Variants in MFSD11 observed in about 807,000 individuals in gnomAD.
MFSD11 encodes the protein UNC93-like protein MFSD11.
A neutral mutation model predicts 53.5 loss-of-function variants in MFSD11; 36 were observed. The observed-to-expected ratio is 0.67, with a 90% CI of 0.52 to 0.89. The LOEUF (loss-of-function observed/expected upper bound fraction) is 0.89, where lower values mean the gene tolerates loss of function less well. Ranked by LOEUF, MFSD11 falls within the 40% of genes least tolerant of loss-of-function variation. The probability of loss-of-function intolerance (pLI) is 0.00; values close to 1 mark genes in which losing one functional copy is unlikely to be tolerated. For synonymous variants in MFSD11, 186 were observed against 184.9 expected, an observed-to-expected ratio of 1.01 and a Z score of -0.05; for missense variants, 530 against 543.9, an observed-to-expected ratio of 0.97 and a Z score of 0.25.
At chr17:76,764,700 CACACATAT>C (rs1370289660) in intron 8 of MFSD11, among the ~76,000 whole-genome samples, 3 of 152,182 alleles carry the variant, frequency 2.0e-5, no homozygotes, top group African/African-American at 7.2e-5. Context: ...CACACACACA[CACACATAT>C]ACATATAATA....
rs780869909 is a variant in MFSD11 at position 76,754,077 on chromosome 17, A to G, written c.672A>G (p.Val224=). The stretch of plus-strand genomic sequence containing the variant: ...CCCAGAACAATCTGACAAAGGCAGT[A>G]GATGCTTTTAGTAAGTATTTTCTGT... ...ESAQNNLTKA[V]DAFKKSFKLC... Residue 224 remains valine, a synonymous_variant, in exon 8 of 13, where the codon GTA becomes GTG. Transcript: ENST00000685175. The G allele has an allele frequency of 1.9e-6, 3 of 1,612,804 alleles. No homozygotes were observed. Among genetic ancestry groups the G allele is most frequent in the African/African-American group, 2.7e-5 (2 of 74,906 alleles).
intron 7 of MFSD11, among the ~76,000 whole-genome samples, chr17:76,745,182 T>C (rs934767200): frequency 8.5e-5 from 13 of 152,250 alleles, no homozygotes; most frequent in African/African-American, 2.7e-4. Context: ...ATTGTGAAGA[T>C]TGCCTTATAG....
chr17:76,754,533 A>C (rs1399687537), intron 8 of MFSD11, among the ~76,000 whole-genome samples: 1 of 151,418 alleles, frequency 6.6e-6, no homozygotes, highest in Non-Finnish European at 1.5e-5. Flanking sequence ...AAATATAAAA[A>C]ATTTGCCGGG....
chr17:76,796,657 G>A, the MFSD11 span, among the ~76,000 whole-genome samples: 1 of 152,074 alleles, frequency 6.6e-6, no homozygotes, highest in African/African-American at 2.4e-5. Flanking sequence ...CTCCAAGAGA[G>A]GGTTCTTGGA....
rs552640317 is a variant in MFSD11, at chr17:76,776,728, C to T, written c.1185+187C>T. Among the ~76,000 whole-genome samples the T allele has an allele frequency of 6.6e-6, 1 of 152,216 alleles. No individual in the cohort carries two copies. The highest frequency in any genetic ancestry group is 2.4e-5 in the African/African-American group (1 of 41,556). On this transcript the variant is annotated intron_variant, in intron 12 of 12. Transcript: ENST00000685175. This position sits in a 1 kb window ranked among gnomAD's most constrained non-coding sequence, Gnocchi z 4.2. ...CAATCTTGACTCGCTGCAACCTCCGCCTCCCGGGTTCAAGCAATTCTCCTG... is the reference window on the plus strand; with the variant it reads ...CAATCTTGACTCGCTGCAACCTCCGTCTCCCGGGTTCAAGCAATTCTCCTG...
chr17:76,787,632 T>C, the MFSD11 span, among the ~76,000 whole-genome samples: 1 of 149,964 alleles, frequency 6.7e-6, no homozygotes, highest in Non-Finnish European at 1.5e-5. Flanking sequence ...GTAAATATAA[T>C]ACTATGAGCT....
At chr17:76,779,863 G>T (rs11077862), downstream of MFSD11, among the ~76,000 whole-genome samples, 61 of 152,168 alleles carry the variant, frequency 4.0e-4, 1 homozygote, top group East Asian at 0.011. Flanking sequence ...ACTGAGGGAG[G>T]ACTTTTGCTA....
chr17:76,742,456 A>T (rs986160695), intron 5 of MFSD11, among the ~76,000 whole-genome samples, 183 bp downstream of exon 5: 20 of 151,934 alleles, frequency 1.3e-4, no homozygotes, highest in African/African-American at 4.6e-4. Flanking sequence ...GTGGCTCACT[A>T]GCTACTCAGG....
At chr17:76,755,723 T>TGTATATG (rs1376864584) in intron 8 of MFSD11, among the ~76,000 whole-genome samples, 1 of 140,264 alleles carries the variant, frequency 7.1e-6, no homozygotes, top group East Asian at 2.0e-4. Context: ...TATATATATG[T>TGTATATG]GTATATGTAT....
At chr17:76,747,380 G>T (rs1011869349) in intron 7 of MFSD11, among the ~76,000 whole-genome samples, 2 of 151,784 alleles carry the variant, frequency 1.3e-5, no homozygotes, top group Admixed American at 1.3e-4. Context: ...TTTCACCCAG[G>T]CTGGAGTGCA....
chr17:76,763,834 G>T (rs1047131228), intron 8 of MFSD11, among the ~76,000 whole-genome samples: 10 of 150,190 alleles, frequency 6.7e-5, no homozygotes, highest in African/African-American at 2.4e-4. Context: ...TACAAAAATT[G>T]TATATATTTA....
intron 7 of MFSD11, chr17:76,745,519 C>G (rs1182180066): frequency 6.6e-6 from 1 of 152,214 alleles, no homozygotes; most frequent in Admixed American, 6.5e-5. Flanking sequence ...GTAATTCTCA[C>G]AATACTTCAA....
rs1324006005 is a variant in MFSD11 at position 76,767,549 on chromosome 17, C to T, written c.748+98C>T. The T allele has an allele frequency of 1.1e-5, 8 of 753,618 alleles. No homozygotes were observed. In the African/African-American group the frequency reaches 1.4e-4, roughly 13 times the overall value. The allele number at this position is 753,618 out of a possible 1,614,324, so 46.7% of individuals were successfully genotyped here. A position where few individuals can be genotyped will look rare whatever the true frequency, so the allele number is the denominator to read the frequency against. ...TATTTCTCACAATTCTGTGCAGTGA[C>T]TGGACTCAGTGAATGGTTCTTCTCA... On this transcript the variant is annotated intron_variant, in intron 9 of 12. Transcript: ENST00000685175.
chr17:76,797,569 G>C, the MFSD11 span, among the ~76,000 whole-genome samples: 4 of 152,148 alleles, frequency 2.6e-5, no homozygotes, highest in African/African-American at 9.7e-5. Flanking sequence ...GCATCCTGTT[G>C]TATTTATTAT....
Position 76,744,451 on chromosome 17 carries a change from A to G in MFSD11, c.626A>G (p.Asp209Gly). The change falls in exon 7 of 13, where the codon GAC (aspartate) becomes GGC (glycine). Residue 209 changes from aspartate to glycine, a missense_variant. Transcript: ENST00000685175. ...GAAGATGAGTCTTCTGATGACCAGG[A>G]CATGGAAGTCAACGAGTAAGATGTT... ...LGEDESSDDQ[D>G]MEVNESAQNN... 1 of 1,607,774 alleles carries G rather than the reference A, an allele frequency of 6.2e-7. No homozygotes were observed. The highest frequency in any genetic ancestry group is 8.5e-7 in the Non-Finnish European group (1 of 1,178,394).
upstream of MFSD11, chr17:76,736,701 G>A: frequency 2.3e-6 from 3 of 1,312,894 alleles, no homozygotes; most frequent in South Asian, 1.9e-5. Flanking sequence ...CGCCCCGTCC[G>A]GGCCCGCACC....
At chr17:76,798,342 C>T in the MFSD11 span, among the ~76,000 whole-genome samples, 7 of 152,274 alleles carry the variant, frequency 4.6e-5, no homozygotes, top group East Asian at 1.3e-3. Context: ...CCCATGTATT[C>T]ACCAACCTCG....
chr17:76,775,564 G>A (rs758500847), intron 11 of MFSD11, among the ~76,000 whole-genome samples: 1 of 152,118 alleles, frequency 6.6e-6, no homozygotes, highest in Non-Finnish European at 1.5e-5. Context: ...TTTATATAAC[G>A]TTTGAGGATA....
chr17:76,768,971 G>C (rs541583327), intron 9 of MFSD11, among the ~76,000 whole-genome samples: 1 of 145,948 alleles, frequency 6.9e-6, no homozygotes, highest in African/African-American at 2.6e-5. Flanking sequence ...GGGCAACAGA[G>C]CAAGACTCTC....
Sources: allele counts gnomAD v4.1 joint callset (sites outside exome capture counted in the v4.1 genomes callset), GRCh38; gene constraint gnomAD v4.1.1; non-coding constraint Gnocchi (gnomAD v3.1); transcripts MANE v1.5; gene names NCBI Gene and HGNC (gene_info 2026-07-23, HGNC 2026-07-21).